The following BCAS1 variants were observed in gnomAD, a reference collection of about 807,000 sequenced individuals.
The protein encoded by BCAS1 is breast carcinoma-amplified sequence 1.
In BCAS1, 46 loss-of-function variants were observed where a neutral mutation model predicts 65.4. The observed-to-expected ratio is 0.70, with a 90% CI of 0.55 to 0.90. The LOEUF is 0.90. Among genes scored for constraint, BCAS1 ranks in the 40% least tolerant of loss-of-function variants. BCAS1 has a pLI of 0.00. For synonymous variants in BCAS1, 298 were observed against 293.5 expected (o/e 1.02, Z -0.16); for missense variants, 793 against 771.2 (o/e 1.03, Z -0.33).
chr20:54,051,170 A>T (rs2092205760), intron 3 of BCAS1, among the ~76,000 whole-genome samples: 1 of 152,212 alleles, frequency 6.6e-6, no homozygotes, highest in East Asian at 1.9e-4. Flanking sequence ...TTCTCTTTCT[A>T]GGATGATTAA....
chr20:54,045,524 C>A (rs763019324), intron 3 of BCAS1, among the ~76,000 whole-genome samples: 2 of 152,146 alleles, frequency 1.3e-5, no homozygotes, highest in Non-Finnish European at 2.9e-5. Flanking sequence ...AATCCCTGAG[C>A]GGACAAAGCC....
intron 4 of BCAS1, among the ~76,000 whole-genome samples, chr20:54,027,475 A>T (rs964548107): frequency 6.6e-6 from 1 of 152,226 alleles, no homozygotes; most frequent in Non-Finnish European, 1.5e-5. Flanking sequence ...ATTAAGACAA[A>T]TATATTTGGA....
intron 3 of BCAS1, among the ~76,000 whole-genome samples, chr20:54,032,786 A>G (rs558881812): frequency 6.6e-6 from 1 of 151,510 alleles, no homozygotes; most frequent in South Asian, 2.1e-4. Context: ...TATCCTAAGT[A>G]TATATGCACC....
chr20:53,985,090 C>G (rs538308024), intron 8 of BCAS1, among the ~76,000 whole-genome samples, 197 bp downstream of exon 8: 9 of 152,160 alleles, frequency 5.9e-5, no homozygotes, highest in Non-Finnish European at 8.8e-5. Flanking sequence ...CCACGAAACA[C>G]ATGTTTATAA....
chr20:54,042,936 G>C (rs2092027016), intron 3 of BCAS1, among the ~76,000 whole-genome samples: 1 of 152,234 alleles, frequency 6.6e-6, no homozygotes, highest in South Asian at 2.1e-4. Context: ...GGCCCTGCTT[G>C]CTGAGAGTGT....
intron 3 of BCAS1, among the ~76,000 whole-genome samples, chr20:54,030,013 G>A (rs1270702945): frequency 6.6e-6 from 1 of 152,204 alleles, no homozygotes; most frequent in East Asian, 1.9e-4. Flanking sequence ...AGGCCAGTGT[G>A]GAATTAAAGG....
intron 11 of BCAS1, 27 bp downstream of exon 11, chr20:53,957,405 C>T (rs1352876350): frequency 1.9e-6 from 3 of 1,598,634 alleles, no homozygotes; most frequent in East Asian, 2.2e-5. Context: ...CTAATCCCAC[C>T]ACCAAACTGA....
chr20:53,946,455 C>G (rs751297345), intron 12 of BCAS1, among the ~76,000 whole-genome samples: 3 of 150,870 alleles, frequency 2.0e-5, no homozygotes, highest in Non-Finnish European at 4.4e-5. Context: ...TCCTTTTATA[C>G]TATAAGACAG....
intron 12 of BCAS1, among the ~76,000 whole-genome samples, chr20:53,948,421 T>C (rs755696412): frequency 5.3e-5 from 8 of 152,252 alleles, no homozygotes; most frequent in African/African-American, 9.6e-5. Context: ...TCTCCACCTT[T>C]GTTATTTTCT....
At position 53,997,943 on chromosome 20, in the gene BCAS1, G is replaced by A. The variant is rs367746376; in HGVS notation, c.724-1893C>T. Among the ~76,000 whole-genome samples the A allele has an allele frequency of 2.0e-5, 3 of 152,202 alleles. No individual in the cohort carries two copies. The East Asian group carries it at 5.8e-4, about 29-fold the overall frequency. ...CCTTCCTTTCATCCCAGGGCTGTGG[G>A]TTCCGCCTTCTCCACACCATCTCCC... On this transcript the variant is annotated intron_variant, in intron 4 of 12. Transcript: ENST00000688948.
intron 4 of BCAS1, among the ~76,000 whole-genome samples, chr20:54,027,638 T>C (rs158550): frequency 2.2e-4 from 33 of 151,960 alleles, no homozygotes; most frequent in African/African-American, 8.0e-4. Context: ...CTTCTTCTTT[T>C]AAGGAGTTCT....
At chr20:54,061,971 A>G (rs1033266825) in intron 1 of BCAS1, among the ~76,000 whole-genome samples, 1 of 152,238 alleles carries the variant, frequency 6.6e-6, no homozygotes, top group Non-Finnish European at 1.5e-5. Flanking sequence ...TGGTTGGAAA[A>G]AAATTAGAAG....
intron 8 of BCAS1, among the ~76,000 whole-genome samples, chr20:53,981,049 C>T (rs2090464394): frequency 6.6e-6 from 1 of 152,188 alleles, no homozygotes. Context: ...TCCATAGAAA[C>T]TAGAATAACA....
Position 54,057,940 on chromosome 20 carries a change from G to A in BCAS1, c.142+145C>T. On this transcript the variant is annotated intron_variant, in intron 3 of 12. Transcript: ENST00000688948. ...CTGTTGCTTAAGCCACCAGGGCATG[G>A]TAGCCCAAGGAACAAACGCAAGTAT... The A allele has an allele frequency of 6.1e-6, 4 of 658,584 alleles. No homozygotes were observed. In the East Asian group the frequency reaches 1.1e-4, roughly 18 times the overall value. The allele number at this position is 658,584 out of a possible 1,614,324, so 40.8% of individuals were successfully genotyped here.
intron 4 of BCAS1, among the ~76,000 whole-genome samples, chr20:54,023,779 T>C (rs1211359779): frequency 1.3e-5 from 2 of 152,202 alleles, no homozygotes; most frequent in Admixed American, 1.3e-4. Context: ...CACTAACATT[T>C]CTATTGTTTC....
Position 53,953,490 on chromosome 20 carries a change from T to C in BCAS1, c.1757A>G (p.Lys586Arg). The change falls in exon 12 of 13, where the codon AAG (lysine) becomes AGG (arginine). Residue 586 changes from lysine to arginine, a missense_variant. By Grantham distance (26) the Lys-to-Arg change is conservative (BLOSUM62 2). Transcript: ENST00000688948. Reference protein sequence around the residue: ...VDTNSLQNGDKLQKRPEKRQQ... With the variant: ...VDTNSLQNGDRLQKRPEKRQQ... The stretch of plus-strand genomic sequence containing the variant: ...CCGCTTCTCAGGTCTCTTTTGGAGC[T>C]TGTCCCCATTCTGCAGTGAGTTCGT... 4.3e-6 allele frequency: 7 copies of C among 1,614,070 alleles called. No homozygotes were observed. Among genetic ancestry groups the C allele is most frequent in the Non-Finnish European group, 5.9e-6 (7 of 1,180,018 alleles).
In BCAS1 at chr20:53,975,986, G is replaced by A. The variant is rs1233458335; in HGVS notation, c.1276-556C>T. On this transcript the variant is annotated intron_variant, in intron 8 of 12. Transcript: ENST00000688948. ...GCTGCTTTCGTCAGCCCTCAGTCTAGGCCAAGTTCATTAGGTCAAAGTTCA... is the reference window on the plus strand; with the variant it reads ...GCTGCTTTCGTCAGCCCTCAGTCTAAGCCAAGTTCATTAGGTCAAAGTTCA... Among the ~76,000 whole-genome samples the A allele has an allele frequency of 3.3e-5, 5 of 152,298 alleles. No homozygotes were observed. In the East Asian group the frequency reaches 9.6e-4, roughly 29 times the overall value.
chr20:53,992,765 C>T (rs2090796321), intron 6 of BCAS1, 119 bp from the exon 7 acceptor site: 1 of 915,958 alleles, frequency 1.1e-6, no homozygotes, highest in East Asian at 6.2e-5. Flanking sequence ...TACACCATCC[C>T]CTCTTCTAAC....
intron 12 of BCAS1, among the ~76,000 whole-genome samples, chr20:53,948,221 G>A (rs1011751588): frequency 6.6e-6 from 1 of 152,108 alleles, no homozygotes; most frequent in Non-Finnish European, 1.5e-5. Flanking sequence ...TTACTTCCCC[G>A]AGGTTTCCAT....
Sources: gnomAD v4.1 joint callset for allele counts (sites outside exome capture counted in the v4.1 genomes callset) on GRCh38, gnomAD v4.1.1 for gene constraint, MANE v1.5 for transcripts, NCBI Gene and HGNC (gene_info 2026-07-23, HGNC 2026-07-21) for gene names.